PEAK1: variants seen among roughly 807,000 people sequenced by gnomAD.
PEAK1 encodes pseudopodium enriched atypical kinase 1, also known as inactive tyrosine-protein kinase PEAK1.
A neutral mutation model predicts 124.7 loss-of-function variants in PEAK1; 54 were observed. The ratio of observed to expected loss-of-function variants is 0.43; its 90% CI spans 0.35 to 0.54. The LOEUF is 0.54. Among genes scored for constraint, PEAK1 ranks in the 20% least tolerant of loss-of-function variants. The pLI is 0.01. For missense variants in PEAK1, 2,046 were observed against 2,134.5 expected, an observed-to-expected ratio of 0.96 and a Z score of 0.82; for synonymous variants, 719 against 760.0, an observed-to-expected ratio of 0.95 and a Z score of 0.89.
chr15:77,398,161 G>A (rs375907529), intron 1 of PEAK1, among the ~76,000 whole-genome samples: 117 of 152,252 alleles, frequency 7.7e-4, no homozygotes, highest in Non-Finnish European at 1.4e-3. Flanking sequence ...CTTCACTGCT[G>A]AATTCTACAT....
intron 7 of PEAK1, among the ~76,000 whole-genome samples, chr15:77,165,048 T>C (rs895196051): frequency 6.6e-6 from 1 of 152,066 alleles, no homozygotes; most frequent in African/African-American, 2.4e-5. Flanking sequence ...GGATGACAGG[T>C]GCCCACCACG....
rs202038970 is a variant in PEAK1 at position 77,127,150 on chromosome 15, GCT to G, written c.4077+5853_4077+5854del. Among the ~76,000 whole-genome samples the G allele has an allele frequency of 2.6e-5, 4 of 151,708 alleles. No homozygotes were observed. In the South Asian group the frequency reaches 8.3e-4, roughly 32 times the overall value. ...ACATGCTTCTTGTGTTCTCTCTCAC[GCT>G]CTCTCTCTCTCCCTGTCATGTAAGG... is the stretch of plus-strand genomic sequence containing the variant. On this transcript the variant is annotated intron_variant, in intron 9 of 9. Coordinates refer to ENST00000682557, the MANE Select transcript of PEAK1 (RefSeq NM_001385026.1).
intron 1 of PEAK1, chr15:77,371,149 G>A: frequency 9.3e-6 from 9 of 967,696 alleles, no homozygotes; most frequent in Non-Finnish European, 1.1e-5. Context: ...AAACCAAAAG[G>A]GCTGAAAGTA....
In PEAK1 at chr15:77,109,675, C is replaced by T. The variant is rs535466141; in HGVS notation, c.*4481G>A. 6.6e-6 allele frequency: 1 copy of T among 152,258 alleles called. No individual in the cohort carries two copies. Among genetic ancestry groups the T allele is most frequent in the Admixed American group, 6.5e-5 (1 of 15,300 alleles). The allele number at this position is 152,258 out of a possible 1,614,324, so 9.4% of individuals were successfully genotyped here. ...ATTTGTCTCGGCACAGCACTTTGGG[C>T]CTTTGAGAATATGAGCTTCGATGAC... On this transcript the variant is annotated 3_prime_UTR_variant, in exon 10 of 10. Coordinates refer to ENST00000682557, the MANE Select transcript of PEAK1 (RefSeq NM_001385026.1).
chr15:77,278,360 A>C (rs919780903), intron 5 of PEAK1: 3 of 266,398 alleles, frequency 1.1e-5, no homozygotes, highest in African/African-American at 6.8e-5. Context: ...AGAGTACATA[A>C]TAATTCAATT....
In PEAK1 at chr15:77,331,053, T is replaced by A. The variant is rs561051733; in HGVS notation, c.-603+34110A>T. On this transcript the variant is annotated intron_variant, in intron 2 of 9. Transcript: ENST00000682557. The stretch of plus-strand genomic sequence containing the variant: ...CATTTACTATTAGCATTCCTAATTA[T>A]TGCATAGCATTCCATTATAGACATA... 1.8e-4 allele frequency: 151 copies of A among 844,680 alleles called. No individual in the cohort carries two copies. The African/African-American group carries it at 2.7e-3, about 15-fold the overall frequency. 52.3% of individuals were successfully genotyped at this position (844,680 alleles called of 1,614,324 possible).
chr15:77,383,731 T>C (rs1471924402), intron 1 of PEAK1, among the ~76,000 whole-genome samples: 2 of 152,248 alleles, frequency 1.3e-5, no homozygotes, highest in Non-Finnish European at 2.9e-5. Context: ...AGCACAGAAA[T>C]GTGATCTAAT....
rs763980446 is a variant in PEAK1, at chr15:77,180,673, A to G, written c.1254T>C (p.Ala418=). 16 of 1,614,102 alleles carry G rather than the reference A, an allele frequency of 9.9e-6. No homozygotes were observed. In the Admixed American group the frequency reaches 2.5e-4, roughly 25 times the overall value. Residue 418 remains alanine (A), a synonymous_variant, in exon 7 of 10, where the codon GCT becomes GCC. Transcript: ENST00000682557. ...KVPETHKAVL[A]LRLEEKDGKI... ...TGCCATCTTTCTCTTCTAATCGGAG[A>G]GCAAGGACTGCTTTGTGGGTCTCTG... is the stretch of plus-strand genomic sequence containing the variant.
At position 77,125,598 on chromosome 15, in the gene PEAK1, A is replaced by G. The variant is rs186948735; in HGVS notation, c.4077+7407T>C. ...CTGAAGTATTTTTTCCATTTTACAG[A>G]TAAAGACACTGGATATAGAAAAGGC... On this transcript the variant is annotated intron_variant, in intron 9 of 9. Coordinates refer to ENST00000682557, the MANE Select transcript of PEAK1 (RefSeq NM_001385026.1). 2.0e-5 allele frequency among the ~76,000 whole-genome samples: 3 copies of G among 152,298 alleles called. No individual in the cohort carries two copies. The East Asian group carries it at 5.8e-4, about 29-fold the overall frequency.
intron 1 of PEAK1, chr15:77,419,047 C>T (rs1241651207): frequency 7.1e-6 from 7 of 985,222 alleles, no homozygotes; most frequent in Non-Finnish European, 8.4e-6. Flanking sequence ...TATAGCAAGG[C>T]CAATAAAGAT....
At chr15:77,152,039 C>T (rs1418291951) in intron 8 of PEAK1, among the ~76,000 whole-genome samples, 1 of 152,154 alleles carries the variant, frequency 6.6e-6, no homozygotes, top group East Asian at 1.9e-4. Context: ...TCACTGGTAG[C>T]ATGATAGGGA....
chr15:77,418,378 A>G (rs1199281383), intron 1 of PEAK1: 1 of 985,090 alleles, frequency 1.0e-6, no homozygotes, highest in Non-Finnish European at 1.2e-6. Flanking sequence ...ATGTTAGAGA[A>G]TCCAAAATAA....
At chr15:77,102,116 C>T (rs1312120428) in exon 7 of PEAK1, 1 of 152,118 alleles carries the variant, frequency 6.6e-6, no homozygotes, top group Non-Finnish European at 1.5e-5. Flanking sequence ...CTACTGTAAA[C>T]AGGCATTATT....
At chr15:77,269,568 T>C (rs1418154707) in intron 5 of PEAK1, among the ~76,000 whole-genome samples, 1 of 151,992 alleles carries the variant, frequency 6.6e-6, no homozygotes, top group Non-Finnish European at 1.5e-5. Flanking sequence ...AAAATAATAG[T>C]GGGGGACTTC....
chr15:77,135,035 C>T (rs1173103468), intron 8 of PEAK1, among the ~76,000 whole-genome samples: 2 of 152,144 alleles, frequency 1.3e-5, no homozygotes, highest in Non-Finnish European at 2.9e-5. Context: ...ATGGCCACTA[C>T]CAGATGCCAG....
chr15:77,276,203 A>C (rs2062316274), intron 5 of PEAK1, among the ~76,000 whole-genome samples: 1 of 152,226 alleles, frequency 6.6e-6, no homozygotes, highest in Non-Finnish European at 1.5e-5. Flanking sequence ...TGAACTGAAA[A>C]GTTCTCAAAA....
chr15:77,355,343 T>C (rs1198048679), intron 2 of PEAK1, among the ~76,000 whole-genome samples: 1 of 152,158 alleles, frequency 6.6e-6, no homozygotes, highest in Non-Finnish European at 1.5e-5. Context: ...TACATACTTA[T>C]TATAAGTAAA....
chr15:77,144,855 A>G (rs758059649), intron 8 of PEAK1, among the ~76,000 whole-genome samples: 1 of 152,182 alleles, frequency 6.6e-6, no homozygotes, highest in Non-Finnish European at 1.5e-5. Flanking sequence ...TCAATGTTTT[A>G]AAAGCTTGGT....
chr15:77,297,381 A>G (rs2063538408), intron 2 of PEAK1, among the ~76,000 whole-genome samples: 1 of 151,812 alleles, frequency 6.6e-6, no homozygotes, highest in Non-Finnish European at 1.5e-5. Flanking sequence ...AGTATACGCT[A>G]TTAACACCTG....
Sources: allele counts gnomAD v4.1 joint callset (sites outside exome capture counted in the v4.1 genomes callset), GRCh38; gene constraint gnomAD v4.1.1; transcripts MANE v1.5; gene names NCBI Gene and HGNC (gene_info 2026-07-23, HGNC 2026-07-21).